FRMD4A: variants seen among roughly 807,000 people sequenced by gnomAD.
FRMD4A encodes the protein FERM domain containing 4A.
Under a neutral mutation model 129.1 loss-of-function variants are expected in FRMD4A, and 29 were observed. That is an observed-to-expected ratio of 0.22 (90% CI 0.17 to 0.31). The LOEUF is 0.31. Among genes scored for constraint, FRMD4A ranks in the 10% least tolerant of loss-of-function variants. The pLI is 1.00. For missense variants in FRMD4A, 1,272 were observed against 1,375.8 expected (o/e 0.92, Z 1.19); for synonymous variants, 634 against 571.6 (o/e 1.11, Z -1.56).
Position 14,176,080 on chromosome 10 carries a change from A to G in FRMD4A, c.45+153978T>C, listed in dbSNP as rs141038687. Among the ~76,000 whole-genome samples, 15 of 152,312 alleles carry G rather than the reference A, an allele frequency of 9.8e-5. 1 individual carries two copies. In the East Asian group the frequency reaches 2.9e-3, roughly 29 times the overall value. Reference sequence around the variant, plus strand: ...TGTATTGTAGTGTTTAGGGATCCCTAATATTTTCTTCTATTCATGTAGTCA... The same window carrying G: ...TGTATTGTAGTGTTTAGGGATCCCTGATATTTTCTTCTATTCATGTAGTCA... On this transcript the variant is annotated intron_variant, in intron 2 of 24. Transcript: ENST00000357447.
intron 8 of FRMD4A, among the ~76,000 whole-genome samples, chr10:13,760,973 G>A (rs191574793): frequency 1.3e-5 from 2 of 151,486 alleles, no homozygotes; most frequent in Middle Eastern, 3.4e-3. Flanking sequence ...CCTCTGCTCT[G>A]TGCAGGGTCT....
intron 2 of FRMD4A, among the ~76,000 whole-genome samples, chr10:14,104,756 C>T (rs1279456217): frequency 1.3e-5 from 2 of 152,236 alleles, no homozygotes; most frequent in Admixed American, 6.5e-5. Context: ...ATGAAGCTGG[C>T]GATTTCGTGT....
At chr10:14,250,005 C>T (rs910582010) in intron 2 of FRMD4A, among the ~76,000 whole-genome samples, 5 of 152,112 alleles carry the variant, frequency 3.3e-5, no homozygotes, top group Non-Finnish European at 7.4e-5. Context: ...GTTTTGTTCT[C>T]GTTGCCCAGG....
At position 13,900,193 on chromosome 10, in the gene FRMD4A, C is replaced by A. The variant is rs187438765; in HGVS notation, c.46-41281G>T. Among the ~76,000 whole-genome samples the A allele has an allele frequency of 1.3e-3, 203 of 152,292 alleles. 1 individual carries two copies. The highest frequency in any genetic ancestry group is 4.7e-3 in the African/African-American group (196 of 41,558). ...TCCGTCTCCTGTCATGTGTGGCCTG[C>A]GATCAAGTACTTAAAACCAGGGTCC... is the stretch of plus-strand genomic sequence containing the variant. On this transcript the variant is annotated intron_variant, in intron 2 of 24. Transcript: ENST00000357447.
intron 5 of FRMD4A, among the ~76,000 whole-genome samples, chr10:13,795,219 T>C (rs1471604516): frequency 6.6e-6 from 1 of 152,206 alleles, no homozygotes; most frequent in African/African-American, 2.4e-5. Flanking sequence ...CCCAGAGGAA[T>C]TGTTACTATT....
At chr10:14,141,047 C>A (rs1839809450) in intron 2 of FRMD4A, among the ~76,000 whole-genome samples, 1 of 152,062 alleles carries the variant, frequency 6.6e-6, no homozygotes, top group South Asian at 2.1e-4. Context: ...AGGTGGAGCA[C>A]AGGCCTGGTA....
chr10:14,021,199 G>A (rs1376623916), intron 2 of FRMD4A, among the ~76,000 whole-genome samples: 1 of 152,052 alleles, frequency 6.6e-6, no homozygotes, highest in Non-Finnish European at 1.5e-5. Flanking sequence ...TTGGGGATGT[G>A]TATATAGGTG....
chr10:14,318,019 A>G (rs1041339), intron 2 of FRMD4A, among the ~76,000 whole-genome samples: 87,204 of 151,962 alleles, frequency 0.57, 25,311 homozygotes, highest in African/African-American at 0.67. Context: ...TAAAGAGGCT[A>G]CCTCACTCAG....
intron 2 of FRMD4A, among the ~76,000 whole-genome samples, chr10:13,883,506 C>A (rs80347852): frequency 6.8e-5 from 10 of 147,552 alleles, no homozygotes; most frequent in East Asian, 2.9e-4. Context: ...AACAAACAAA[C>A]AAAAAAAACC....
At chr10:14,306,884 T>C (rs1846370508) in intron 2 of FRMD4A, among the ~76,000 whole-genome samples, 2 of 152,174 alleles carry the variant, frequency 1.3e-5, no homozygotes, top group Admixed American at 6.5e-5. Context: ...TTAGTGTGTA[T>C]GGGGCGGGAT....
rs2082537779 is a variant in FRMD4A at position 13,660,304 on chromosome 10, G to A, written c.1898+12C>T. On this transcript the variant is annotated intron_variant, in intron 20 of 24. Coordinates refer to ENST00000357447, the MANE Select transcript of FRMD4A (RefSeq NM_018027.5). ...GGAGGCCTCATTTGGCCTCATTCAC[G>A]ATGCAGCTCACCTGGAATGGCTGTG... 6.4e-7 allele frequency: 1 copy of A among 1,567,716 alleles called. No homozygotes were observed. Among genetic ancestry groups the A allele is most frequent in the East Asian group, 2.2e-5 (1 of 44,642 alleles).
intron 23 of FRMD4A, chr10:13,653,057 G>C (rs1398802793): frequency 6.6e-6 from 1 of 150,776 alleles, no homozygotes; most frequent in Non-Finnish European, 1.5e-5. Context: ...GAAAACATCT[G>C]GGTATTTCCC....
intron 2 of FRMD4A, among the ~76,000 whole-genome samples, chr10:14,235,157 CT>C (rs11349578): frequency 0.82 from 123,102 of 149,422 alleles, 51,251 homozygotes; most frequent in East Asian, 0.92. Flanking sequence ...CCTAAGCTGT[CT>C]TTTTTTTTTG....
At chr10:13,938,576 T>C (rs542382816) in intron 2 of FRMD4A, among the ~76,000 whole-genome samples, 1 of 152,296 alleles carries the variant, frequency 6.6e-6, no homozygotes, top group Non-Finnish European at 1.5e-5. Context: ...TACTTTTTGC[T>C]CTGTTCTTCT....
intron 5 of FRMD4A, among the ~76,000 whole-genome samples, chr10:13,795,408 G>A (rs1350704163): frequency 6.6e-6 from 1 of 152,218 alleles, no homozygotes; most frequent in Non-Finnish European, 1.5e-5. Context: ...TCTGCCAGCT[G>A]AGGAAAAGTC....
At chr10:14,203,823 C>G (rs985835708) in intron 2 of FRMD4A, among the ~76,000 whole-genome samples, 12 of 152,220 alleles carry the variant, frequency 7.9e-5, no homozygotes, top group African/African-American at 2.2e-4. Flanking sequence ...AACGCTCCTC[C>G]TCGAAAAGCA....
chr10:14,212,487 A>T (rs527618936), intron 2 of FRMD4A, among the ~76,000 whole-genome samples: 11 of 152,266 alleles, frequency 7.2e-5, no homozygotes, highest in African/African-American at 2.6e-4. Context: ...TACTCCCCCG[A>T]TACCGAATAA....
At chr10:14,080,900 G>A (rs992065159) in intron 2 of FRMD4A, among the ~76,000 whole-genome samples, 4 of 151,626 alleles carry the variant, frequency 2.6e-5, no homozygotes, top group African/African-American at 9.7e-5. Context: ...GAAAAGAAAG[G>A]CACTCTGTTT....
chr10:13,974,869 A>G (rs2095535704), intron 2 of FRMD4A, among the ~76,000 whole-genome samples: 1 of 152,230 alleles, frequency 6.6e-6, no homozygotes, highest in Admixed American at 6.5e-5. Context: ...TTCACAAGGC[A>G]GCTCCCCACG....
Sources: gnomAD v4.1 joint callset for allele counts (sites outside exome capture counted in the v4.1 genomes callset) on GRCh38, gnomAD v4.1.1 for gene constraint, MANE v1.5 for transcripts, NCBI Gene and HGNC (gene_info 2026-07-23, HGNC 2026-07-21) for gene names.